The following SFTPA2 variants were observed in gnomAD, a reference collection of about 807,000 sequenced individuals.
The protein encoded by SFTPA2 is pulmonary surfactant-associated protein A2.
Under a neutral mutation model 20.3 loss-of-function variants are expected in SFTPA2, and 21 were observed. The ratio of observed to expected loss-of-function variants is 1.03; its 90% CI spans 0.73 to 1.49. SFTPA2 has a LOEUF of 1.49. Ranked by LOEUF, SFTPA2 falls within the 40% of genes most tolerant of loss-of-function variation. The pLI is 0.00. For missense variants in SFTPA2, 302 were observed against 314.8 expected, an observed-to-expected ratio of 0.96 and a Z score of 0.31; for synonymous variants, 116 against 118.7, an observed-to-expected ratio of 0.98 and a Z score of 0.15.
In SFTPA2 at chr10:79,557,289, G is replaced by A; in HGVS notation, c.667C>T (p.Gln223Ter). The change falls in exon 6 of 6, where the codon CAG becomes TAG. Residue 223 changes from glutamine to a stop codon, truncating the protein, a stop_gained. Transcript: ENST00000372325. LOFTEE classifies it high-confidence loss of function. ...RGEPAGRGKE[Q>*]CVEMYTDGQW... is the part of the protein sequence containing the mutation. ...CCATCTGTGTACATCTCCACACACT[G>A]CTCTTTTCCCCGACCTGCAGGCTCC... 1 of 1,613,756 alleles carries A rather than the reference G, an allele frequency of 6.2e-7. No individual in the cohort carries two copies. The highest frequency in any genetic ancestry group is 8.5e-7 in the Non-Finnish European group (1 of 1,179,936).
At chr10:79,557,624 T>C (rs971692921) in intron 5 of SFTPA2, 39 bp from the exon 6 acceptor site, 2 of 1,603,448 alleles carry the variant, frequency 1.2e-6, no homozygotes, top group Non-Finnish European at 1.7e-6. Flanking sequence ...ACTGACCACT[T>C]TGTCTCTAAG....
At chr10:79,558,749 T>G (rs1212499192) in intron 4 of SFTPA2, 137 bp downstream of exon 4, 1,072 of 1,472,226 alleles carry the variant, frequency 7.3e-4, no homozygotes, top group African/African-American at 6.9e-3. Flanking sequence ...TCCCTCAAAT[T>G]CATATTCTCT....
At chr10:79,559,283 AGCTGAGG>A (rs1180512566) in intron 3 of SFTPA2, 22 bp downstream of exon 3, 1 of 1,613,202 alleles carries the variant, frequency 6.2e-7, no homozygotes, top group African/African-American at 1.3e-5. Context: ...TGTGTCCCTC[AGCTGAGG>A]GTGGGGTCTG....
In SFTPA2 at chr10:79,558,968, A is replaced by T; in HGVS notation, c.210T>A (p.Pro70=). ...MGPPGETPCP[P]GNNGLPGAPG... is the part of the protein sequence containing the mutation. ...GGGCTCCAGGCAGCCCATTATTCCC[A>T]GGAGGACATGGTGTTTCTCCAGGCG... Residue 70 remains proline (P), a synonymous_variant, in exon 4 of 6, where the codon CCT becomes CCA. Transcript: ENST00000372325. 7.4e-6 allele frequency: 12 copies of T among 1,614,052 alleles called. No individual in the cohort carries two copies. Among genetic ancestry groups the T allele is most frequent in the Non-Finnish European group, 1.0e-5 (12 of 1,180,000 alleles).
chr10:79,558,205 C>T, intron 4 of SFTPA2, 76 bp from the exon 5 acceptor site: 1 of 1,612,190 alleles, frequency 6.2e-7, no homozygotes, highest in Non-Finnish European at 8.5e-7. Context: ...GGCGTTTTGC[C>T]ATCTGCAATC....
chr10:79,558,613 C>T (rs1858954337), intron 4 of SFTPA2, among the ~76,000 whole-genome samples: 1 of 152,156 alleles, frequency 6.6e-6, no homozygotes, highest in South Asian at 2.1e-4. Context: ...TCCCCTGCCT[C>T]CCAGTGCTGT....
In SFTPA2 at chr10:79,557,181, C is replaced by A; in HGVS notation, c.*28G>T. ...ATGGAAACTGAAGGCCAGACAGGAT[C>A]CTCCCTGTCCCATGGCCTAAATGCC... On this transcript the variant is annotated 3_prime_UTR_variant, in exon 6 of 6. Transcript: ENST00000372325. 1.2e-6 allele frequency: 2 copies of A among 1,614,168 alleles called. No homozygotes were observed. The highest frequency in any genetic ancestry group is 1.7e-6 in the Non-Finnish European group (2 of 1,180,020).
At position 79,557,159 on chromosome 10, in the gene SFTPA2, G is replaced by A. The variant is rs752010783; in HGVS notation, c.*50C>T. On this transcript the variant is annotated 3_prime_UTR_variant, in exon 6 of 6. Coordinates refer to ENST00000372325, the MANE Select transcript of SFTPA2 (RefSeq NM_001098668.4). ...ACAGACCAAGTGGATCCTGGGGATG[G>A]AAACTGAAGGCCAGACAGGATCCTC... The A allele has an allele frequency of 2.5e-6, 4 of 1,614,004 alleles. No homozygotes were observed. The East Asian group carries it at 8.9e-5, about 36-fold the overall frequency.
Position 79,558,925 on chromosome 10 carries a change from G to C in SFTPA2, c.253C>G (p.Arg85Gly), listed in dbSNP as rs150273659. ...LPGAPGVPGERGEKGEAGERG... is the reference protein window; with the variant it reads ...LPGAPGVPGEGGEKGEAGERG... ...TCGCCAGCCTCCCCCTTCTCTCCACGCTCTCCAGGGACACCAGGGGCTCCA... is the reference window on the plus strand; with the variant it reads ...TCGCCAGCCTCCCCCTTCTCTCCACCCTCTCCAGGGACACCAGGGGCTCCA... Residue 85 changes from arginine to glycine, a missense_variant, in exon 4 of 6, where the codon CGT (arginine) becomes GGT (glycine). Arg to Gly is a moderately radical substitution (Grantham distance 125). Coordinates refer to ENST00000372325, the MANE Select transcript of SFTPA2 (RefSeq NM_001098668.4). 6.2e-6 allele frequency: 10 copies of C among 1,613,942 alleles called. No individual in the cohort carries two copies. Among genetic ancestry groups the C allele is most frequent in the Non-Finnish European group, 8.5e-6 (10 of 1,179,944 alleles).
intron 1 of SFTPA2, 137 bp from the exon 2 acceptor site, chr10:79,560,135 GCCCTGCTGAGT>G (rs1389948358): frequency 1.9e-6 from 1 of 537,748 alleles, no homozygotes; most frequent in Non-Finnish European, 2.4e-6. Context: ...CCCTGCTTAG[GCCCTGCTGAGT>G]CCCTGGTAGG....
chr10:79,559,755 C>G, intron 2 of SFTPA2: 2 of 1,529,300 alleles, frequency 1.3e-6, no homozygotes, highest in Non-Finnish European at 1.8e-6. Context: ...GAGTAAGGAG[C>G]TCTGGGGAGC....
chr10:79,556,825 A>T lies in SFTPA2; in HGVS notation c.*384T>A. On this transcript the variant is annotated 3_prime_UTR_variant, in exon 6 of 6. Transcript: ENST00000372325. ...GCAGTGGGCTGCAGAGGCAGAGCTG[A>T]GGGGACCAGGAGGCAGGCACTCTGT... is the stretch of plus-strand genomic sequence containing the variant. The T allele has an allele frequency of 2.6e-6, 1 of 381,266 alleles. No individual in the cohort carries two copies. Among genetic ancestry groups the T allele is most frequent in the Non-Finnish European group, 4.8e-6 (1 of 208,598 alleles). 23.6% of individuals were successfully genotyped at this position (381,266 alleles called of 1,614,324 possible). A position where few individuals can be genotyped will look rare whatever the true frequency, so the allele number is the denominator to read the frequency against.
Position 79,557,353 on chromosome 10 carries a change from T to C in SFTPA2, c.603A>G (p.Ser201=). The C allele has an allele frequency of 6.2e-7, 1 of 1,614,168 alleles. No homozygotes were observed. The highest frequency in any genetic ancestry group is 8.5e-7 in the Non-Finnish European group (1 of 1,180,022). Residue 201 remains serine (S), a synonymous_variant, in exon 6 of 6, where the codon TCA becomes TCG. Transcript: ENST00000372325. ...EGPSPGDFRY[S]DGTPVNYTNW... The stretch of plus-strand genomic sequence containing the variant: ...TGGTGTAGTTTACAGGGGTCCCATC[T>C]GAGTAGCGGAAGTCTCCAGGGCTGG...
intron 4 of SFTPA2, 57 bp downstream of exon 4, chr10:79,558,829 C>T (rs539009660): frequency 7.6e-5 from 123 of 1,609,394 alleles, no homozygotes; most frequent in Non-Finnish European, 1.0e-4. Flanking sequence ...CCCTGTGTAA[C>T]TGACTTCAGG....
rs371677083 is a variant in SFTPA2, at chr10:79,559,524, G to A, written c.-23-18C>T. ...CGCTGCTCCTGCCGGAGGGATGGCC[G>A]TGAGCCCATCTGCCACCTCTGCCAA... On this transcript the variant is annotated intron_variant, in intron 2 of 5. Coordinates refer to ENST00000372325, the MANE Select transcript of SFTPA2 (RefSeq NM_001098668.4). 7.8e-5 allele frequency: 125 copies of A among 1,608,736 alleles called. No individual in the cohort carries two copies. The highest frequency in any genetic ancestry group is 2.5e-4 in the Admixed American group (15 of 59,898).
Position 79,558,926 on chromosome 10 carries a change from C to T in SFTPA2, c.252G>A (p.Glu84=), listed in dbSNP as rs747209364. Reference sequence around the variant, plus strand: ...CGCCAGCCTCCCCCTTCTCTCCACGCTCTCCAGGGACACCAGGGGCTCCAG... The same window carrying T: ...CGCCAGCCTCCCCCTTCTCTCCACGTTCTCCAGGGACACCAGGGGCTCCAG... ...GLPGAPGVPG[E]RGEKGEAGER... is the part of the protein sequence containing the mutation. The change falls in exon 4 of 6, where the codon GAG becomes GAA. Residue 84 remains glutamate, a synonymous_variant. Coordinates refer to ENST00000372325, the MANE Select transcript of SFTPA2 (RefSeq NM_001098668.4). 6.2e-6 allele frequency: 10 copies of T among 1,614,186 alleles called. No homozygotes were observed. The highest frequency in any genetic ancestry group is 7.6e-6 in the Non-Finnish European group (9 of 1,180,032).
chr10:79,559,762 G>A, intron 2 of SFTPA2: 3 of 1,519,928 alleles, frequency 2.0e-6, no homozygotes, highest in East Asian at 2.5e-5. Context: ...GAGCTCTGGG[G>A]AGCCCAGGGA....
chr10:79,559,575 G>T lies in SFTPA2; in HGVS notation c.-23-69C>A. The T allele has an allele frequency of 8.1e-6, 13 of 1,603,100 alleles. No individual in the cohort carries two copies. In the South Asian group the frequency reaches 1.4e-4, roughly 18 times the overall value. ...CATCTCCCCCACTGTGCTCTGTCAG[G>T]ACTCAGGAAGCTGGGCAGAGCCCGA... is the stretch of plus-strand genomic sequence containing the variant. On this transcript the variant is annotated intron_variant, in intron 2 of 5. Transcript: ENST00000372325.
In SFTPA2 at chr10:79,559,951, C is replaced by T. The variant is rs1859095082; in HGVS notation, c.-24+18G>A. On this transcript the variant is annotated intron_variant, in intron 2 of 5. Coordinates refer to ENST00000372325, the MANE Select transcript of SFTPA2 (RefSeq NM_001098668.4). The stretch of plus-strand genomic sequence containing the variant: ...CACTCACTGACTCACTCCATCTGTC[C>T]CTCATATGCCCAGTTACCTTCTTTT... 1 of 1,304,194 alleles carries T rather than the reference C, an allele frequency of 7.7e-7. No homozygotes were observed. Among genetic ancestry groups the T allele is most frequent in the South Asian group, 2.0e-5 (1 of 49,254 alleles). The allele number at this position is 1,304,194 out of a possible 1,614,324, so 80.8% of individuals were successfully genotyped here.
Sources: gnomAD v4.1 joint callset for allele counts (sites outside exome capture counted in the v4.1 genomes callset) on GRCh38, gnomAD v4.1.1 for gene constraint, MANE v1.5 for transcripts, NCBI Gene and HGNC (gene_info 2026-07-23, HGNC 2026-07-21) for gene names.